SUGCT: variants seen among roughly 807,000 people sequenced by gnomAD.
The protein encoded by SUGCT is succinyl-CoA:glutarate CoA-transferase.
In SUGCT, 41 loss-of-function variants were observed where a neutral mutation model predicts 55.0. The observed-to-expected ratio is 0.74, with a 90% CI of 0.58 to 0.97. The LOEUF is 0.97. Among genes scored for constraint, SUGCT ranks in the 50% least tolerant of loss-of-function variants. SUGCT has a pLI of 0.00. For synonymous variants in SUGCT, 187 were observed against 200.4 expected (o/e 0.93, Z 0.56); for missense variants, 568 against 547.8 (o/e 1.04, Z -0.37).
At chr7:40,865,754 CA>C (rs1794566171), downstream of SUGCT, among the ~76,000 whole-genome samples, 4 of 152,260 alleles carry the variant, frequency 2.6e-5, no homozygotes, top group South Asian at 8.3e-4. Flanking sequence ...TCTTTCTTAG[CA>C]AAGGAAAATT....
At chr7:40,822,776 A>T (rs543821666) in intron 13 of SUGCT, among the ~76,000 whole-genome samples, 1 of 152,272 alleles carries the variant, frequency 6.6e-6, no homozygotes, top group African/African-American at 2.4e-5. Context: ...TTGAACGTGG[A>T]GAAATCCTGA....
the SUGCT span, among the ~76,000 whole-genome samples, chr7:40,898,531 C>G: frequency 1.4e-5 from 2 of 142,864 alleles, no homozygotes; most frequent in Admixed American, 7.3e-5. Flanking sequence ...AGACCATCCT[C>G]GCTAACACAG....
At chr7:40,898,932 C>T in the SUGCT span, among the ~76,000 whole-genome samples, 1 of 152,078 alleles carries the variant, frequency 6.6e-6, no homozygotes, top group Non-Finnish European at 1.5e-5. Context: ...AACAAAATGT[C>T]ACTTGGAACT....
chr7:40,700,253 C>G (rs992081254), intron 12 of SUGCT, among the ~76,000 whole-genome samples: 1 of 152,136 alleles, frequency 6.6e-6, no homozygotes, highest in Non-Finnish European at 1.5e-5. Context: ...ACTGAGTGGG[C>G]CTGCCTTTAC....
At chr7:40,438,170 G>A (rs1788277217) in intron 9 of SUGCT, among the ~76,000 whole-genome samples, 1 of 152,088 alleles carries the variant, frequency 6.6e-6, no homozygotes, top group African/African-American at 2.4e-5. Flanking sequence ...AAACTTCCAG[G>A]AGCAGCAGAA....
At chr7:40,337,715 G>T (rs1796796300) in intron 9 of SUGCT, among the ~76,000 whole-genome samples, 1 of 152,136 alleles carries the variant, frequency 6.6e-6, no homozygotes, top group Non-Finnish European at 1.5e-5. Context: ...TTGCCAGTCT[G>T]TGTCTTTTAA....
chr7:40,537,237 T>A (rs1197975615), intron 12 of SUGCT, among the ~76,000 whole-genome samples: 1 of 152,196 alleles, frequency 6.6e-6, no homozygotes, highest in Non-Finnish European at 1.5e-5. Context: ...ACTTGCTCTT[T>A]TGCTATAGCT....
In SUGCT at chr7:40,749,459, A is replaced by C; in HGVS notation, c.1115A>C (p.Glu372Ala). ...GTATTACACAATGGCCTCGTTATGG[A>C]GATGGAGCATCCAACTGTGGGGAAG... ...PQVLHNGLVMEMEHPTVGKIS... is the reference protein window; with the variant it reads ...PQVLHNGLVMAMEHPTVGKIS... The change falls in exon 13 of 14, where the codon GAG (glutamate) becomes GCG (alanine). Residue 372 changes from glutamate (E) to alanine (A), a missense_variant. Glu to Ala is a moderately radical substitution (Grantham distance 107). Transcript: ENST00000335693. 1.2e-6 allele frequency: 2 copies of C among 1,613,670 alleles called. No individual in the cohort carries two copies. The highest frequency in any genetic ancestry group is 1.7e-6 in the Non-Finnish European group (2 of 1,179,718).
At chr7:40,396,276 T>C (rs1785722514) in intron 9 of SUGCT, among the ~76,000 whole-genome samples, 1 of 152,178 alleles carries the variant, frequency 6.6e-6, no homozygotes, top group Non-Finnish European at 1.5e-5. Flanking sequence ...CTTAGTTTTA[T>C]CATCTATAAA....
intron 9 of SUGCT, among the ~76,000 whole-genome samples, chr7:40,391,587 C>A (rs1050239846): frequency 9.7e-6 from 1 of 103,528 alleles, no homozygotes; most frequent in African/African-American, 3.6e-5. Context: ...CAGTGAGATA[C>A]CATCTCACAC....
At chr7:41,014,704 A>G in the SUGCT span, among the ~76,000 whole-genome samples, 3 of 152,202 alleles carry the variant, frequency 2.0e-5, no homozygotes, top group African/African-American at 7.2e-5. Context: ...TTAAACAAGG[A>G]AAAGAAAACT....
chr7:40,288,210 C>T (rs748693959), intron 8 of SUGCT, among the ~76,000 whole-genome samples: 4 of 152,036 alleles, frequency 2.6e-5, no homozygotes, highest in African/African-American at 9.7e-5. Flanking sequence ...AGTATTCCCT[C>T]CTCTCCTTGC....
the SUGCT span, among the ~76,000 whole-genome samples, chr7:40,899,177 T>C: frequency 6.6e-6 from 1 of 152,212 alleles, no homozygotes; most frequent in Non-Finnish European, 1.5e-5. Context: ...ACTTGTGCTG[T>C]GCACAGCTCT....
chr7:40,903,637 AACCCCCCTCTAGCAATCCC>A, the SUGCT span, among the ~76,000 whole-genome samples: 5 of 152,078 alleles, frequency 3.3e-5, no homozygotes, highest in African/African-American at 1.2e-4. Flanking sequence ...TACTTAGATA[AACCCCCCTCTAGCAATCCC>A]TGCAGAAAGA....
intron 12 of SUGCT, among the ~76,000 whole-genome samples, chr7:40,557,878 A>T (rs896995587): frequency 2.0e-5 from 3 of 152,148 alleles, no homozygotes; most frequent in Non-Finnish European, 4.4e-5. Context: ...GGGATTAAGA[A>T]TCAGAATATT....
chr7:40,298,463 G>C (rs992601588), intron 8 of SUGCT, among the ~76,000 whole-genome samples: 31 of 152,248 alleles, frequency 2.0e-4, no homozygotes, highest in African/African-American at 7.5e-4. Context: ...TTTGTTCTTA[G>C]GACCTTGGAA....
chr7:40,417,127 C>G (rs1583633919), intron 9 of SUGCT, among the ~76,000 whole-genome samples: 2 of 151,994 alleles, frequency 1.3e-5, no homozygotes, highest in Non-Finnish European at 2.9e-5. Flanking sequence ...TATTATTTCT[C>G]TTTTCTCCTT....
chr7:40,915,836 A>G, the SUGCT span, among the ~76,000 whole-genome samples: 17 of 152,360 alleles, frequency 1.1e-4, no homozygotes, highest in African/African-American at 3.6e-4. Context: ...ACATGCATTG[A>G]ATCAATGATT....
intron 12 of SUGCT, among the ~76,000 whole-genome samples, chr7:40,692,041 C>T (rs1784723123): frequency 6.6e-6 from 1 of 152,102 alleles, no homozygotes; most frequent in East Asian, 1.9e-4. Context: ...GTCTCTAATA[C>T]CAAAAATTGT....
Sources: gnomAD v4.1 joint callset for allele counts (sites outside exome capture counted in the v4.1 genomes callset) on GRCh38, gnomAD v4.1.1 for gene constraint, MANE v1.5 for transcripts, NCBI Gene and HGNC (gene_info 2026-07-23, HGNC 2026-07-21) for gene names.